The following KDM1A variants were observed in gnomAD, a reference collection of about 807,000 sequenced individuals.
KDM1A encodes lysine-specific histone demethylase 1A.
KDM1A carries 49 observed loss-of-function variants against 109.4 expected under a neutral mutation model. The ratio of observed to expected loss-of-function variants is 0.45; its 90% confidence interval spans 0.36 to 0.57. The LOEUF (loss-of-function observed/expected upper bound fraction) is 0.57. KDM1A is among the 20% of genes least tolerant of loss of function. KDM1A has a pLI of 0.00. For missense variants in KDM1A, 668 were observed against 1,116.6 expected (o/e 0.60, Z 5.73); for synonymous variants, 380 against 415.4 (o/e 0.91, Z 1.04).
In KDM1A at chr1:23,042,439, TA is replaced by T. The variant is rs1557528384; in HGVS notation, c.518-1987del. Among the ~76,000 whole-genome samples the T allele has an allele frequency of 2.2e-3, 121 of 54,728 alleles. 2 individuals carry two copies. Among genetic ancestry groups the T allele is most frequent in the South Asian group, 9.7e-3 (23 of 2,360 alleles). The allele number at this position is 54,728 out of a possible 152,430, so 35.9% of individuals were successfully genotyped here. A position where few individuals can be genotyped will look rare whatever the true frequency, so the allele number is the denominator to read the frequency against. On this transcript the variant is annotated intron_variant, in intron 2 of 20. Coordinates refer to ENST00000400181, the MANE Select transcript of KDM1A (RefSeq NM_001009999.3). ...TTTTTTAAAAATCTATGAAATATAT[TA>T]TTTTTTTTTTTTTTTTTTTTTTTTT...
chr1:23,058,764 A>G (rs1642913862), intron 8 of KDM1A, among the ~76,000 whole-genome samples: 1 of 152,202 alleles, frequency 6.6e-6, no homozygotes, highest in South Asian at 2.1e-4. Flanking sequence ...CGATGTCCAC[A>G]ATATATTGCT....
At position 23,027,507 on chromosome 1, in the gene KDM1A, C is replaced by T. The variant is rs369505853; in HGVS notation, c.352-2962C>T. ...ACAGCTCACTGTAGCCTTGACCCCC[C>T]CCCGCCCCCACCAGGTTCAAGTGAT... On this transcript the variant is annotated intron_variant, in intron 1 of 20. Coordinates refer to ENST00000400181, the MANE Select transcript of KDM1A (RefSeq NM_001009999.3). 2.7e-4 allele frequency among the ~76,000 whole-genome samples: 40 copies of T among 145,940 alleles called. No homozygotes were observed. In the East Asian group the frequency reaches 6.6e-3, roughly 24 times the overall value.
At chr1:23,020,041 C>G in intron 1 of KDM1A, 94 bp downstream of exon 1, 1 of 1,302,058 alleles carries the variant, frequency 7.7e-7, no homozygotes, top group Non-Finnish European at 1.0e-6. Context: ...GTCTTGGGCC[C>G]TGCGACCACT....
chr1:23,068,793 G>T (rs1643225320), intron 11 of KDM1A, 112 bp downstream of exon 11: 1 of 926,464 alleles, frequency 1.1e-6, no homozygotes, highest in Non-Finnish European at 1.5e-6. Flanking sequence ...ACTTAATTTT[G>T]TATGAAACCA....
chr1:23,019,531 C>T lies in KDM1A; in HGVS notation c.-66C>T. On this transcript the variant is annotated 5_prime_UTR_variant, in exon 1 of 21. Transcript: ENST00000400181. Reference sequence around the variant, plus strand: ...CAGCGTGAAGCGAGGCGAGGCAAGGCTTTTCGGACCCACGGAGCGACAGAG... The same window carrying T: ...CAGCGTGAAGCGAGGCGAGGCAAGGTTTTTCGGACCCACGGAGCGACAGAG... The T allele has an allele frequency of 1.5e-6, 2 of 1,334,490 alleles. No homozygotes were observed. The highest frequency in any genetic ancestry group is 9.6e-7 in the Non-Finnish European group (1 of 1,043,390). 82.7% of individuals were successfully genotyped at this position (1,334,490 alleles called of 1,614,324 possible). A position where few individuals can be genotyped will look rare whatever the true frequency, so the allele number is the denominator to read the frequency against.
At chr1:23,071,143 AG>A in intron 12 of KDM1A, 81 bp from the exon 13 acceptor site, 1 of 1,191,274 alleles carries the variant, frequency 8.4e-7, no homozygotes, top group Non-Finnish European at 1.2e-6. Context: ...AGCAGTTTTG[AG>A]GAGCCAAAAA....
chr1:23,062,983 G>A (rs536052910), intron 9 of KDM1A, among the ~76,000 whole-genome samples: 120 of 152,146 alleles, frequency 7.9e-4, no homozygotes, highest in African/African-American at 2.8e-3. Flanking sequence ...CGGAAGGTTG[G>A]GAAATAGGGT....
rs1643371553 is a variant in KDM1A, at chr1:23,073,298, A to G, written c.1629A>G (p.Val543=). The G allele has an allele frequency of 3.2e-6, 5 of 1,551,196 alleles. No homozygotes were observed. Among genetic ancestry groups the G allele is most frequent in the Middle Eastern group, 1.7e-4 (1 of 5,966 alleles). ...GTCCTTTGTTCTTTTGCAGTGATGTATATCTCTCATCAAGAGACAGACAAA... is the reference window on the plus strand; with the variant it reads ...GTCCTTTGTTCTTTTGCAGTGATGTGTATCTCTCATCAAGAGACAGACAAA... The part of the protein sequence containing the change: ...QELEANPPSD[V]YLSSRDRQIL... The change falls in exon 15 of 21, where the codon GTA becomes GTG. Residue 543 remains valine, a synonymous_variant. Transcript: ENST00000400181.
chr1:23,035,623 AT>A (rs1642121530), intron 2 of KDM1A, among the ~76,000 whole-genome samples: 5 of 152,210 alleles, frequency 3.3e-5, no homozygotes, highest in African/African-American at 1.2e-4. Context: ...GGTTGAAAAT[AT>A]TTTTTAAATT....
At chr1:23,046,898 G>A (rs1255198801) in intron 3 of KDM1A, among the ~76,000 whole-genome samples, 3 of 152,134 alleles carry the variant, frequency 2.0e-5, no homozygotes, top group African/African-American at 7.2e-5. Flanking sequence ...CAAAGACAAC[G>A]TTTTGGAAAC....
At chr1:23,039,157 C>G (rs1316260290) in intron 2 of KDM1A, among the ~76,000 whole-genome samples, 1 of 152,226 alleles carries the variant, frequency 6.6e-6, no homozygotes, top group East Asian at 1.9e-4. Flanking sequence ...TAATTTCCAA[C>G]CATCTTTAGA....
Position 23,075,414 on chromosome 1 carries a change from T to C in KDM1A, c.1735-1814T>C, listed in dbSNP as rs982474882. Reference sequence around the variant, plus strand: ...AGCCTGGCCCTGTCTCTACTAAAAATACAAAAATTAGCCGGGCATGGTGGC... The same window carrying C: ...AGCCTGGCCCTGTCTCTACTAAAAACACAAAAATTAGCCGGGCATGGTGGC... On this transcript the variant is annotated intron_variant, in intron 15 of 20. Transcript: ENST00000400181. Among the ~76,000 whole-genome samples the C allele has an allele frequency of 5.3e-5, 8 of 151,006 alleles. No individual in the cohort carries two copies. The East Asian group carries it at 1.6e-3, about 30-fold the overall frequency.
At chr1:23,050,349 T>C in intron 3 of KDM1A, 38 bp from the exon 4 acceptor site, 1 of 1,584,940 alleles carries the variant, frequency 6.3e-7, no homozygotes, top group Non-Finnish European at 8.6e-7. Context: ...TTGTATTCAC[T>C]TGCACTTTTC....
In KDM1A at chr1:23,030,467, A is replaced by G; in HGVS notation, c.352-2A>G. On this transcript the variant is annotated splice_acceptor_variant, in intron 1 of 20. Transcript: ENST00000400181. LOFTEE classifies it high-confidence loss of function. ...GCTTTCCCTGGTATGATCTCCATAT[A>G]GGTAGAGTACAGAGAGATGGATGAA... The G allele has an allele frequency of 6.4e-7, 1 of 1,556,114 alleles. No homozygotes were observed. The highest frequency in any genetic ancestry group is 8.6e-7 in the Non-Finnish European group (1 of 1,158,684).
At chr1:23,077,687 A>G (rs1005076422) in intron 16 of KDM1A, among the ~76,000 whole-genome samples, 9 of 152,220 alleles carry the variant, frequency 5.9e-5, no homozygotes, top group African/African-American at 1.9e-4. Flanking sequence ...CAGTGCTCAA[A>G]AAGTTTTCCA....
At chr1:23,076,089 C>T (rs950447199) in intron 15 of KDM1A, among the ~76,000 whole-genome samples, 2 of 152,024 alleles carry the variant, frequency 1.3e-5, no homozygotes, top group African/African-American at 4.8e-5. Context: ...TAACTTAGGC[C>T]CTTCTAGTCA....
chr1:23,068,795 A>G (rs1235741809), intron 11 of KDM1A, 114 bp downstream of exon 11: 2 of 918,462 alleles, frequency 2.2e-6, no homozygotes, highest in East Asian at 5.8e-5. Context: ...TTAATTTTGT[A>G]TGAAACCATT....
chr1:23,044,057 C>G (rs1642432019), intron 2 of KDM1A, among the ~76,000 whole-genome samples: 1 of 152,168 alleles, frequency 6.6e-6, no homozygotes, highest in Non-Finnish European at 1.5e-5. Context: ...ATGCCAGATT[C>G]TAGAGTCTAT....
chr1:23,067,834 T>C (rs1281778870), intron 10 of KDM1A, among the ~76,000 whole-genome samples: 1 of 152,198 alleles, frequency 6.6e-6, no homozygotes, highest in Non-Finnish European at 1.5e-5. Flanking sequence ...CTTAGGATCA[T>C]GGTCTTCCAG....
Sources: gnomAD v4.1 joint callset for allele counts (sites outside exome capture counted in the v4.1 genomes callset) on GRCh38, gnomAD v4.1.1 for gene constraint, MANE v1.5 for transcripts, NCBI Gene and HGNC (gene_info 2026-07-23, HGNC 2026-07-21) for gene names.